Variants in GPHN observed in about 807,000 individuals in gnomAD.
GPHN encodes the protein gephyrin.
Under a neutral mutation model 95.5 loss-of-function variants are expected in GPHN, and 17 were observed. The ratio of observed to expected loss-of-function variants is 0.18; its 90% CI spans 0.12 to 0.27. The LOEUF is 0.27. GPHN is among the 10% of genes least tolerant of loss of function. GPHN has a pLI of 1.00. For synonymous variants in GPHN, 320 were observed against 322.5 expected, an observed-to-expected ratio of 0.99 and a Z score of 0.08; for missense variants, 660 against 978.1, an observed-to-expected ratio of 0.67 and a Z score of 4.34.
chr14:66,961,946 A>ATATATATATATT (rs2068969148), intron 8 of GPHN, among the ~76,000 whole-genome samples: 1 of 79,208 alleles, frequency 1.3e-5, no homozygotes, highest in Non-Finnish European at 2.0e-5. Context: ...ATATATATAT[A>ATATATATATATT]TACACATATC....
intron 1 of GPHN, among the ~76,000 whole-genome samples, chr14:66,562,687 A>G (rs1286984101): frequency 1.3e-5 from 2 of 152,136 alleles, no homozygotes; most frequent in African/African-American, 4.8e-5. Flanking sequence ...GTAGGATAAT[A>G]AATATACGCG....
chr14:67,674,536 G>C, the GPHN span: 1 of 1,510,740 alleles, frequency 6.6e-7, no homozygotes, highest in Non-Finnish European at 8.9e-7. Flanking sequence ...CGGGGCCCTG[G>C]GCCCTTTCCT....
At chr14:67,216,642 T>C in the GPHN span, among the ~76,000 whole-genome samples, 2 of 152,322 alleles carry the variant, frequency 1.3e-5, no homozygotes, top group South Asian at 4.1e-4. Context: ...ATAGCATCCT[T>C]CATTTCTTCC....
chr14:67,203,346 C>G, the GPHN span: 1 of 1,410,660 alleles, frequency 7.1e-7, no homozygotes. Flanking sequence ...TGCATTAGCC[C>G]TGTGGATCTG....
the GPHN span, among the ~76,000 whole-genome samples, chr14:67,547,833 A>G: frequency 6.6e-6 from 1 of 152,226 alleles, no homozygotes; most frequent in South Asian, 2.1e-4. Flanking sequence ...TTTTTTTAAA[A>G]AAGCAGAAAC....
At chr14:66,509,108 GCTC>G (rs2057922869) in intron 1 of GPHN, 1 of 162,868 alleles carries the variant, frequency 6.1e-6, no homozygotes, top group African/African-American at 2.4e-5. Context: ...AGATGAAACT[GCTC>G]CTCCTCGGGT....
the GPHN span, among the ~76,000 whole-genome samples, chr14:67,254,858 T>G: frequency 6.6e-6 from 1 of 152,164 alleles, no homozygotes; most frequent in Non-Finnish European, 1.5e-5. Flanking sequence ...AAGTTAGAAG[T>G]TGGAATCTCT....
chr14:66,643,470 A>T (rs1291027368), intron 1 of GPHN, among the ~76,000 whole-genome samples: 1 of 152,102 alleles, frequency 6.6e-6, no homozygotes, highest in Admixed American at 6.6e-5. Context: ...CTAAATTGGA[A>T]ACAATCCAAA....
the GPHN span, among the ~76,000 whole-genome samples, chr14:67,536,952 ATTGT>A: frequency 6.6e-6 from 1 of 150,972 alleles, no homozygotes; most frequent in Non-Finnish European, 1.5e-5. Flanking sequence ...AGGCAGGAAA[ATTGT>A]TTGAACCTGA....
At chr14:66,599,392 A>ATTTCTTTTTTTTT (rs1555357374) in intron 1 of GPHN, among the ~76,000 whole-genome samples, 3 of 76,522 alleles carry the variant, frequency 3.9e-5, no homozygotes, top group South Asian at 4.2e-4. Context: ...TTTTTTTTGC[A>ATTTCTTTTTTTTT]TTTTTTTTTT....
At chr14:67,439,603 T>TCC in the GPHN span, among the ~76,000 whole-genome samples, 1 of 149,886 alleles carries the variant, frequency 6.7e-6, no homozygotes, top group Non-Finnish European at 1.5e-5. Flanking sequence ...CTTCTTTCTT[T>TCC]TTTGCATCAG....
At chr14:67,068,947 C>T (rs1043464620) in intron 11 of GPHN, among the ~76,000 whole-genome samples, 1 of 152,036 alleles carries the variant, frequency 6.6e-6, no homozygotes, top group Non-Finnish European at 1.5e-5. Context: ...AGGAAGTCCT[C>T]ACCAAGGTCA....
At chr14:67,727,013 C>T in the GPHN span, 19 of 1,613,102 alleles carry the variant, frequency 1.2e-5, no homozygotes, top group South Asian at 3.3e-5. Context: ...GCTCCTGGAG[C>T]GGCTAAAGGT....
chr14:66,547,873 AATAAAT>A, intron 1 of GPHN, among the ~76,000 whole-genome samples: 2 of 152,336 alleles, frequency 1.3e-5, no homozygotes, highest in Middle Eastern at 6.8e-3. Flanking sequence ...AAAATGAGAT[AATAAAT>A]ATAAAAGTGC....
At chr14:67,667,909 A>G in the GPHN span, among the ~76,000 whole-genome samples, 1 of 152,116 alleles carries the variant, frequency 6.6e-6, no homozygotes, top group African/African-American at 2.4e-5. Flanking sequence ...GCGCCACTGC[A>G]CTCCAGCCTG....
chr14:67,347,448 T>C, the GPHN span: 4 of 1,607,004 alleles, frequency 2.5e-6, no homozygotes, highest in Non-Finnish European at 3.4e-6. Flanking sequence ...ACTGGCAAAG[T>C]AACACCTGTT....
chr14:66,600,725 A>G (rs994648960), intron 1 of GPHN, among the ~76,000 whole-genome samples: 1 of 152,082 alleles, frequency 6.6e-6, no homozygotes, highest in African/African-American at 2.4e-5. Context: ...AAATAGCCAA[A>G]TCATCAACAA....
the GPHN span, among the ~76,000 whole-genome samples, chr14:67,493,440 T>G: frequency 2.6e-5 from 4 of 152,190 alleles, no homozygotes; most frequent in African/African-American, 9.7e-5. Context: ...GGGTCTGTGT[T>G]AGGGATAAAA....
the GPHN span, among the ~76,000 whole-genome samples, chr14:67,353,548 C>T: frequency 2.6e-5 from 4 of 151,820 alleles, no homozygotes; most frequent in South Asian, 2.1e-4. Context: ...AGTGCAATGG[C>T]GCGATCTCGA....
Sources: allele counts gnomAD v4.1 joint callset (sites outside exome capture counted in the v4.1 genomes callset), GRCh38; gene constraint gnomAD v4.1.1; transcripts MANE v1.5; gene names NCBI Gene and HGNC (gene_info 2026-07-23, HGNC 2026-07-21).